CCDC149: variants seen among roughly 807,000 people sequenced by gnomAD.
CCDC149 encodes coiled-coil domain containing 149.
In CCDC149, 45 loss-of-function variants were observed where a neutral mutation model predicts 59.9. The observed-to-expected ratio is 0.75, with a 90% CI of 0.59 to 0.96. The LOEUF (loss-of-function observed/expected upper bound fraction) is 0.96. Ranked by LOEUF, CCDC149 falls within the 40% of genes least tolerant of loss-of-function variation. The probability of loss-of-function intolerance (pLI) is 0.00; values close to 1 mark genes in which losing one functional copy is unlikely to be tolerated. For missense variants in CCDC149, 584 were observed against 664.7 expected, an observed-to-expected ratio of 0.88 and a Z score of 1.33; for synonymous variants, 245 against 260.6, an observed-to-expected ratio of 0.94 and a Z score of 0.58.
At chr4:24,822,421 A>G (rs1288774949) in intron 10 of CCDC149, 76 bp downstream of exon 10, 1 of 943,018 alleles carries the variant, frequency 1.1e-6, no homozygotes, top group Non-Finnish European at 1.6e-6. Context: ...AGACTCTTGT[A>G]AATTACGTGG....
rs192004222 is a variant in CCDC149, at chr4:24,885,088, G to A, written c.64-8391C>T. ...CAGTGAGCGACGCCCTGGGCTGGCT[G>A]TGGTGGAGGGTGGGAGTACAAGCTG... is the stretch of plus-strand genomic sequence containing the variant. On this transcript the variant is annotated intron_variant, in intron 1 of 12. Coordinates refer to ENST00000635206, the MANE Select transcript of CCDC149 (RefSeq NM_001330643.2). Among the ~76,000 whole-genome samples the A allele has an allele frequency of 3.9e-3, 587 of 152,298 alleles. 7 individuals are homozygous for A. Among genetic ancestry groups the A allele is most frequent in the African/African-American group, 0.013 (549 of 41,556 alleles).
At chr4:24,888,275 G>A (rs183860986) in intron 1 of CCDC149, among the ~76,000 whole-genome samples, 1 of 152,014 alleles carries the variant, frequency 6.6e-6, no homozygotes, top group African/African-American at 2.4e-5. Flanking sequence ...TATATACATA[G>A]ATATATAGAT....
chr4:24,858,501 C>G (rs1003333965), intron 3 of CCDC149, among the ~76,000 whole-genome samples: 12 of 152,182 alleles, frequency 7.9e-5, no homozygotes, highest in African/African-American at 2.9e-4. Context: ...CGTGTAGAAT[C>G]CATATATTTA....
chr4:24,971,196 A>G (rs1723959460), intron 1 of CCDC149, among the ~76,000 whole-genome samples: 1 of 152,184 alleles, frequency 6.6e-6, no homozygotes, highest in Non-Finnish European at 1.5e-5. Flanking sequence ...GGGCATCTCT[A>G]GGCTCTGGCC....
At chr4:24,897,433 TGTGA>T (rs1212393165) in intron 1 of CCDC149, among the ~76,000 whole-genome samples, 1 of 152,140 alleles carries the variant, frequency 6.6e-6, no homozygotes, top group Non-Finnish European at 1.5e-5. Context: ...TATGGAGGTC[TGTGA>T]GTGAGGAAGG....
At chr4:24,921,928 A>T (rs1222397699) in intron 1 of CCDC149, among the ~76,000 whole-genome samples, 1 of 152,172 alleles carries the variant, frequency 6.6e-6, no homozygotes, top group Non-Finnish European at 1.5e-5. Flanking sequence ...GTGTTTAAAT[A>T]GCAGAACTTT....
rs1311600810 is a variant in CCDC149 at position 24,806,207 on chromosome 4, T to A, written c.*2182A>T. 2.0e-5 allele frequency: 3 copies of A among 152,194 alleles called. No individual in the cohort carries two copies. Among genetic ancestry groups the A allele is most frequent in the Non-Finnish European group, 4.4e-5 (3 of 68,054 alleles). The allele number at this position is 152,194 out of a possible 1,614,324, so 9.4% of individuals were successfully genotyped here. A position where few individuals can be genotyped will look rare whatever the true frequency, so the allele number is the denominator to read the frequency against. On this transcript the variant is annotated 3_prime_UTR_variant, in exon 13 of 13. Coordinates refer to ENST00000635206, the MANE Select transcript of CCDC149 (RefSeq NM_001330643.2). ...GCAGGACACACGTGTCGCGTATCTA[T>A]GGGGTGTTATCAGGGTTATATCTGT... is the stretch of plus-strand genomic sequence containing the variant.
At chr4:24,977,538 A>G (rs964153245) in intron 1 of CCDC149, among the ~76,000 whole-genome samples, 3 of 152,206 alleles carry the variant, frequency 2.0e-5, no homozygotes, top group Non-Finnish European at 4.4e-5. Context: ...CTGTGAATCA[A>G]CAAGCCTGTC....
intron 12 of CCDC149, among the ~76,000 whole-genome samples, 171 bp from the exon 13 acceptor site, chr4:24,808,990 G>A (rs1055166356): frequency 4.6e-5 from 7 of 152,216 alleles, no homozygotes; most frequent in African/African-American, 1.7e-4. Context: ...ACAGGACCCA[G>A]GTGAAACCAG....
intron 1 of CCDC149, among the ~76,000 whole-genome samples, chr4:24,887,855 T>C (rs1419608768): frequency 6.6e-6 from 1 of 151,902 alleles, no homozygotes; most frequent in Non-Finnish European, 1.5e-5. Context: ...AACAGGAGCC[T>C]TTCAGCATCT....
intron 1 of CCDC149, 95 bp downstream of exon 1, chr4:24,912,722 T>C (rs1388011354): frequency 1.1e-6 from 1 of 899,018 alleles, no homozygotes; most frequent in African/African-American, 1.8e-5. Context: ...CGCCCCCCTC[T>C]CGTCCCTCCC....
upstream of CCDC149, among the ~76,000 whole-genome samples, chr4:24,913,774 C>T (rs1179176529): frequency 3.9e-5 from 6 of 152,108 alleles, no homozygotes; most frequent in African/African-American, 1.4e-4. Flanking sequence ...TGACACACCC[C>T]CTCTTTACAA....
intron 9 of CCDC149, among the ~76,000 whole-genome samples, chr4:24,825,104 G>C (rs556275732): frequency 3.2e-4 from 49 of 152,246 alleles, no homozygotes; most frequent in Non-Finnish European, 6.6e-4. Context: ...GTTAAATTTA[G>C]TTTGACCAAT....
At chr4:24,870,038 A>G (rs950937665) in intron 3 of CCDC149, among the ~76,000 whole-genome samples, 1 of 152,230 alleles carries the variant, frequency 6.6e-6, no homozygotes, top group Non-Finnish European at 1.5e-5. Flanking sequence ...AACCAGACAC[A>G]GAAGGAAGCT....
chr4:24,841,118 A>G (rs1349195436), intron 4 of CCDC149, among the ~76,000 whole-genome samples: 1 of 152,212 alleles, frequency 6.6e-6, no homozygotes, highest in Non-Finnish European at 1.5e-5. Context: ...CGACAAGCCA[A>G]ACAAAACAAT....
At chr4:24,810,318 G>T (rs1714514912) in intron 12 of CCDC149, among the ~76,000 whole-genome samples, 1 of 152,132 alleles carries the variant, frequency 6.6e-6, no homozygotes, top group Admixed American at 6.6e-5. Context: ...TTTATAAATG[G>T]AAGTATAATA....
upstream of CCDC149, among the ~76,000 whole-genome samples, chr4:24,917,401 G>T (rs146741065): frequency 6.6e-6 from 1 of 152,212 alleles, no homozygotes. Context: ...CCGGGGACCC[G>T]CAGTTGTCAT....
intron 3 of CCDC149, among the ~76,000 whole-genome samples, chr4:24,858,748 T>C (rs1444631734): frequency 6.6e-5 from 10 of 152,172 alleles, no homozygotes; most frequent in Non-Finnish European, 1.3e-4. Flanking sequence ...AAATTCTCTC[T>C]GGACAGGGAT....
At chr4:24,932,005 C>T (rs1722609282) in intron 1 of CCDC149, among the ~76,000 whole-genome samples, 1 of 151,674 alleles carries the variant, frequency 6.6e-6, no homozygotes, top group Non-Finnish European at 1.5e-5. Context: ...AAAACTGAGG[C>T]ACAGAAAGGC....
Sources: allele counts gnomAD v4.1 joint callset (sites outside exome capture counted in the v4.1 genomes callset), GRCh38; gene constraint gnomAD v4.1.1; transcripts MANE v1.5; gene names NCBI Gene and HGNC (gene_info 2026-07-23, HGNC 2026-07-21).